PRR5: variants seen among roughly 807,000 people sequenced by gnomAD.
PRR5 encodes proline-rich protein 5.
In PRR5, 25 loss-of-function variants were observed where a neutral mutation model predicts 30.6. The observed-to-expected ratio is 0.82, with a 90% CI of 0.60 to 1.14. The LOEUF is 1.14. Ranked by LOEUF, PRR5 falls within the 50% of genes most tolerant of loss-of-function variation. The pLI is 0.00. For synonymous variants in PRR5, 286 were observed against 247.1 expected (o/e 1.16, Z -1.48); for missense variants, 600 against 547.1 (o/e 1.10, Z -0.96).
At position 44,681,576 on chromosome 22, in the gene PRR5, A is replaced by G. The variant is rs543197629; in HGVS notation, c.-11+4336A>G. On this transcript the variant is annotated intron_variant, in intron 1 of 8. Coordinates refer to the PRR5 transcript ENST00000006251. ...GCACTCCAGCCTGGGCAATAAGAGC[A>G]AGACTTTGTCTCAAAGAAAAAAAAA... Among the ~76,000 whole-genome samples the G allele has an allele frequency of 3.0e-3, 436 of 147,606 alleles. 10 individuals carry two copies. Among genetic ancestry groups the G allele is most frequent in the Non-Finnish European group, 2.5e-4 (17 of 67,792 alleles).
At chr22:44,689,261 T>A (rs8138706) in intron 1 of PRR5, among the ~76,000 whole-genome samples, 24,759 of 152,086 alleles carry the variant, frequency 0.16, 2,185 homozygotes, top group East Asian at 0.29. Flanking sequence ...GTCCAGTTAG[T>A]CTGCTAACTC....
At chr22:44,672,139 G>T (rs1440845816), upstream of PRR5, among the ~76,000 whole-genome samples, 1 of 152,210 alleles carries the variant, frequency 6.6e-6, no homozygotes, top group Non-Finnish European at 1.5e-5. Context: ...CTCACTCTGG[G>T]CCTGGCCCAA....
chr22:44,714,768 A>G, intron 2 of PRR5, 97 bp downstream of exon 2: 1 of 1,482,772 alleles, frequency 6.7e-7, no homozygotes, highest in Non-Finnish European at 9.2e-7. Flanking sequence ...CCCGCCAGCC[A>G]CGCCTGTGCT....
At chr22:44,727,747 A>T (rs1921118134) in intron 4 of PRR5, among the ~76,000 whole-genome samples, 1 of 152,152 alleles carries the variant, frequency 6.6e-6, no homozygotes, top group Non-Finnish European at 1.5e-5. Context: ...ACAGGCCCGG[A>T]GGCCTGGCAT....
At chr22:44,731,387 G>A (rs982784749) in intron 4 of PRR5, 1 of 397,398 alleles carries the variant, frequency 2.5e-6, no homozygotes, top group African/African-American at 2.0e-5. Flanking sequence ...TCTCACTTGT[G>A]TGGGTCTGGT....
chr22:44,703,900 G>A (rs921431026), intron 1 of PRR5, among the ~76,000 whole-genome samples: 12 of 152,158 alleles, frequency 7.9e-5, no homozygotes, highest in Non-Finnish European at 2.9e-5. Context: ...AAGAAGAGCA[G>A]TGTTCTCCTC....
chr22:44,680,038 G>T (rs925195934), intron 1 of PRR5, among the ~76,000 whole-genome samples: 4 of 152,328 alleles, frequency 2.6e-5, no homozygotes, highest in Admixed American at 2.0e-4. Context: ...TGTGTTTGGT[G>T]GGGTGAGCAG....
rs544444859 is a variant in PRR5, at chr22:44,692,531, C to T, written c.-10-9961C>T. Among the ~76,000 whole-genome samples the T allele has an allele frequency of 7.0e-5, 10 of 142,638 alleles. No homozygotes were observed. The South Asian group carries it at 2.3e-3, about 33-fold the overall frequency. The allele number at this position is 142,638 out of a possible 152,430, so 93.6% of individuals were successfully genotyped here. On this transcript the variant is annotated intron_variant, in intron 1 of 8. Coordinates refer to the PRR5 transcript ENST00000006251. Reference sequence around the variant, plus strand: ...GGCACTCCTCCTCCTGGGGGCTCCTCCTCCCGGGGGCTCCTCCACCTGGCA... The same window carrying T: ...GGCACTCCTCCTCCTGGGGGCTCCTTCTCCCGGGGGCTCCTCCACCTGGCA...
intron 1 of PRR5, among the ~76,000 whole-genome samples, chr22:44,703,257 G>GAAC (rs1926648829): frequency 6.6e-6 from 1 of 152,168 alleles, no homozygotes; most frequent in African/African-American, 2.4e-5. Flanking sequence ...ACTCCCCAGC[G>GAAC]TCTCTGCTCC....
intron 1 of PRR5, among the ~76,000 whole-genome samples, chr22:44,670,979 T>C (rs1439436262): frequency 1.3e-5 from 2 of 152,192 alleles, no homozygotes; most frequent in African/African-American, 4.8e-5. Context: ...AGGGGAGTCA[T>C]TCATTCATTC....
intron 1 of PRR5, among the ~76,000 whole-genome samples, chr22:44,686,512 A>G (rs918817931): frequency 7.2e-6 from 1 of 138,586 alleles, no homozygotes; most frequent in African/African-American, 2.7e-5. Context: ...AATTTTTTTT[A>G]TTTGTTTGTT....
chr22:44,734,996 A>AC (rs750397323), intron 6 of PRR5, 31 bp from the exon 7 acceptor site: 39 of 1,587,662 alleles, frequency 2.5e-5, no homozygotes, highest in Non-Finnish European at 3.2e-5. Context: ...CGGGTGCATG[A>AC]CCCCCTACCC....
intron 6 of PRR5, among the ~76,000 whole-genome samples, chr22:44,732,777 GTGCA>G (rs544678052): frequency 0.15 from 21,942 of 143,982 alleles, 2,356 homozygotes; most frequent in African/African-American, 0.29. Context: ...ACATGCCTGT[GTGCA>G]CGCACATACT....
chr22:44,702,160 GGGCGCCGAGA>G (rs1926390084), upstream of PRR5: 1 of 408,276 alleles, frequency 2.4e-6, no homozygotes, highest in Non-Finnish European at 3.4e-6. Context: ...CCGCCCCCCG[GGGCGCCGAGA>G]CCCGCCCCTG....
At chr22:44,687,403 C>G (rs1924845177) in intron 1 of PRR5, among the ~76,000 whole-genome samples, 1 of 152,204 alleles carries the variant, frequency 6.6e-6, no homozygotes, top group African/African-American at 2.4e-5. Context: ...TGTCACAGGC[C>G]TGGGGCCACT....
In PRR5 at chr22:44,702,281, C is replaced by T. The variant is rs1601989976; in HGVS notation, c.-194C>T. 1.0e-5 allele frequency: 12 copies of T among 1,145,420 alleles called. No individual in the cohort carries two copies. In the South Asian group the frequency reaches 5.1e-4, roughly 49 times the overall value. The allele number at this position is 1,145,420 out of a possible 1,614,324, so 71.0% of individuals were successfully genotyped here. ...GAGCCTCTCCGTGCAATGATTAACC[C>T]GGCGGGGCGGCCGGCGCGGGACCCG... On this transcript the variant is annotated 5_prime_UTR_variant, in exon 1 of 8. Transcript: ENST00000336985.
chr22:44,736,521 G>A (rs111481099), intron 7 of PRR5, among the ~76,000 whole-genome samples: 2 of 152,242 alleles, frequency 1.3e-5, no homozygotes, highest in Non-Finnish European at 2.9e-5. Context: ...CGCTGGCGGG[G>A]TGCAGGTTCA....
At chr22:44,722,888 C>T (rs531535305) in intron 2 of PRR5, among the ~76,000 whole-genome samples, 2 of 152,298 alleles carry the variant, frequency 1.3e-5, no homozygotes, top group East Asian at 1.9e-4. Flanking sequence ...TCTCTTTGCA[C>T]CACAGTGCAG....
At chr22:44,694,435 A>T (rs1329099771) in intron 1 of PRR5, among the ~76,000 whole-genome samples, 1 of 152,164 alleles carries the variant, frequency 6.6e-6, no homozygotes, top group Non-Finnish European at 1.5e-5. Context: ...CGGGAGGTTG[A>T]GGTAAGAGGA....
Sources: allele counts gnomAD v4.1 joint callset (sites outside exome capture counted in the v4.1 genomes callset), GRCh38; gene constraint gnomAD v4.1.1; transcripts MANE v1.5; gene names NCBI Gene and HGNC (gene_info 2026-07-23, HGNC 2026-07-21).